The following MESP2 variants were observed in gnomAD, a reference collection of about 807,000 sequenced individuals.
MESP2 encodes mesoderm posterior protein 2.
In MESP2, 34 loss-of-function variants were observed where a neutral mutation model predicts 37.8. The observed-to-expected ratio is 0.90, with a 90% CI of 0.68 to 1.20. The LOEUF is 1.20. Among genes scored for constraint, MESP2 ranks in the 50% most tolerant of loss-of-function variants. The probability of loss-of-function intolerance (pLI) is 0.00; values close to 1 mark genes in which losing one functional copy is unlikely to be tolerated. For missense variants in MESP2, 646 were observed against 545.3 expected (o/e 1.18, Z -1.84); for synonymous variants, 303 against 251.6 (o/e 1.20, Z -1.93).
intron 1 of MESP2, among the ~76,000 whole-genome samples, chr15:89,777,514 A>T (rs1016152082): frequency 6.6e-6 from 1 of 152,094 alleles, no homozygotes; most frequent in African/African-American, 2.4e-5. Context: ...ACTTTCTCAG[A>T]GGGTGGAAAG....
At position 89,777,129 on chromosome 15, in the gene MESP2, C is replaced by T. The variant is rs765025021; in HGVS notation, c.772C>T (p.Pro258Ser). 35 of 1,612,872 alleles carry T rather than the reference C, an allele frequency of 2.2e-5. No individual in the cohort carries two copies. The highest frequency in any genetic ancestry group is 3.3e-4 in the Middle Eastern group (2 of 6,084). Residue 258 changes from proline (P) to serine (S), a missense_variant, in exon 1 of 2, where the codon CCC (proline) becomes TCC (serine). Physicochemically the swap from Pro to Ser is moderately conservative, Grantham distance 74. Coordinates refer to ENST00000341735, the MANE Select transcript of MESP2 (RefSeq NM_001039958.2). ...TPPYCPKIQS[P>S]PYSSQGTTSD... Reference sequence around the variant, plus strand: ...CCCTTACTGCCCCAAGATACAGTCGCCCCCGTATTCGTCCCAAGGGACAAC... The same window carrying T: ...CCCTTACTGCCCCAAGATACAGTCGTCCCCGTATTCGTCCCAAGGGACAAC...
At position 89,778,151 on chromosome 15, in the gene MESP2, G is replaced by C. The variant is rs764403618; in HGVS notation, c.1011G>C (p.Gln337His). The part of the protein sequence containing the change: ...PHPSCQRLQP[Q>H]TPGRCWSHSA... ...CATCATGCCAGAGACTGCAGCCTCA[G>C]ACCCCCGGGAGGTGCTGGAGCCACA... The change falls in exon 2 of 2, where the codon CAG becomes CAC. Residue 337 changes from glutamine to histidine, a missense_variant. Coordinates refer to ENST00000341735, the MANE Select transcript of MESP2 (RefSeq NM_001039958.2). The C allele has an allele frequency of 3.1e-6, 5 of 1,613,822 alleles. No homozygotes were observed. Among genetic ancestry groups the C allele is most frequent in the South Asian group, 1.1e-5 (1 of 91,076 alleles).
Position 89,778,066 on chromosome 15 carries a change from G to T in MESP2, c.926G>T (p.Gly309Val). The T allele has an allele frequency of 1.2e-6, 2 of 1,613,170 alleles. No homozygotes were observed. The highest frequency in any genetic ancestry group is 2.2e-5 in the South Asian group (2 of 91,036). ...ATLELAAVYQ[G>V]LSVSPEPCLS... is the part of the protein sequence containing the mutation. ...AGGCTGCTCTCATCTCTCTTGCAGG[G>T]TCTCTCTGTGTCTCCAGAGCCCTGT... Residue 309 changes from glycine (G) to valine (V), a missense_variant and splice_region_variant, in exon 2 of 2, where the codon GGT (glycine) becomes GTT (valine). Coordinates refer to ENST00000341735, the MANE Select transcript of MESP2 (RefSeq NM_001039958.2).
Position 89,776,385 on chromosome 15 carries a change from C to T in MESP2, c.28C>T (p.Leu10Phe). 6.5e-7 allele frequency: 1 copy of T among 1,532,430 alleles called. No homozygotes were observed. Among genetic ancestry groups the T allele is most frequent in the East Asian group, 2.5e-5 (1 of 40,594 alleles). 94.9% of individuals were successfully genotyped at this position (1,532,430 alleles called of 1,614,324 possible). ...GGCCCAGTCGCCTCCTCCGCAGAGC[C>T]TCCTCGGCCACGACCACTGGATCTT... MAQSPPPQS[L>F]LGHDHWIFAQ... The change falls in exon 1 of 2, where the codon CTC becomes TTC. Residue 10 changes from leucine to phenylalanine, a missense_variant. Leu to Phe is a conservative substitution (Grantham distance 22). Coordinates refer to ENST00000341735, the MANE Select transcript of MESP2 (RefSeq NM_001039958.2).
rs569181252 is a variant in MESP2 at position 89,777,886 on chromosome 15, G to A, written c.925-179G>A. 2.1e-4 allele frequency among the ~76,000 whole-genome samples: 32 copies of A among 152,286 alleles called. 1 individual carries two copies. Among genetic ancestry groups the A allele is most frequent in the South Asian group, 1.2e-3 (6 of 4,818 alleles). On this transcript the variant is annotated intron_variant, in intron 1 of 1. Transcript: ENST00000341735. ...CATTACTAGTGAGTAGCAGAACTGG[G>A]ATTTAAGCCTTAGCAGAGTGTCTCC...
At position 89,777,065 on chromosome 15, in the gene MESP2, G is replaced by C. The variant is rs1377149605; in HGVS notation, c.708G>C (p.Leu236=). The stretch of plus-strand genomic sequence containing the variant: ...GAGCCCAAGCCGCACCCGAGCGCCT[G>C]GGGAGGGGGGTCCACGACACGGATC... The part of the protein sequence containing the change: ...CPGAQAAPER[L]GRGVHDTDPW... Residue 236 remains leucine (L), a synonymous_variant, in exon 1 of 2, where the codon CTG becomes CTC. Coordinates refer to ENST00000341735, the MANE Select transcript of MESP2 (RefSeq NM_001039958.2). 6.2e-7 allele frequency: 1 copy of C among 1,610,408 alleles called. No homozygotes were observed. Among genetic ancestry groups the C allele is most frequent in the Non-Finnish European group, 8.5e-7 (1 of 1,179,078 alleles).
Sources: gnomAD v4.1 joint callset for allele counts (sites outside exome capture counted in the v4.1 genomes callset) on GRCh38, gnomAD v4.1.1 for gene constraint, MANE v1.5 for transcripts, NCBI Gene and HGNC (gene_info 2026-07-23, HGNC 2026-07-21) for gene names.